DNAH10: variants seen among roughly 807,000 people sequenced by gnomAD.
DNAH10 encodes the protein dynein axonemal heavy chain 10.
Under a neutral mutation model 506.6 loss-of-function variants are expected in DNAH10, and 348 were observed. The ratio of observed to expected loss-of-function variants is 0.69; its 90% CI spans 0.63 to 0.75. The LOEUF (loss-of-function observed/expected upper bound fraction) is 0.75. DNAH10 is among the 30% of genes least tolerant of loss of function. The pLI, the probability that DNAH10 is intolerant of heterozygous loss-of-function variation, is 0.00. For missense variants in DNAH10, 5,179 were observed against 5,787.1 expected (o/e 0.89, Z 3.41); for synonymous variants, 2,059 against 2,198.6 (o/e 0.94, Z 1.78).
chr12:123,803,812 G>A lies in DNAH10; in HGVS notation c.2766G>A (p.Glu922=). 1 of 1,611,194 alleles carries A rather than the reference G, an allele frequency of 6.2e-7. No individual in the cohort carries two copies. The highest frequency in any genetic ancestry group is 8.5e-7 in the Non-Finnish European group (1 of 1,179,428). The change falls in exon 17 of 79, where the codon GAG becomes GAA. Residue 922 remains glutamate, a synonymous_variant. Transcript: ENST00000673944. Reference sequence around the variant, plus strand: ...TTAAATATCCAGCCGCTAAAAGTGAGGAAGAACTCCCAGGTAGATCTGACT... The same window carrying A: ...TTAAATATCCAGCCGCTAAAAGTGAAGAAGAACTCCCAGGTAGATCTGACT... ...NLFKYPAAKS[E]EELPGVKEFF...
At position 123,853,888 on chromosome 12, in the gene DNAH10, A is replaced by G. The variant is rs562535184; in HGVS notation, c.6438+536A>G. Among the ~76,000 whole-genome samples, 2 of 149,830 alleles carry G rather than the reference A, an allele frequency of 1.3e-5. No homozygotes were observed. Among genetic ancestry groups the G allele is most frequent in the South Asian group, 2.1e-4 (1 of 4,684 alleles). Reference sequence around the variant, plus strand: ...CACACACACGGATACATGCACGCGCACACACGTACGCACGCACATGTACAC... The same window carrying G: ...CACACACACGGATACATGCACGCGCGCACACGTACGCACGCACATGTACAC... On this transcript the variant is annotated intron_variant, in intron 36 of 78. Coordinates refer to ENST00000673944, the MANE Select transcript of DNAH10 (RefSeq NM_001372106.1). This position sits in a 1 kb window ranked among gnomAD's most constrained non-coding sequence, Gnocchi z 4.7.
At position 123,820,860 on chromosome 12, in the gene DNAH10, G is replaced by A. The variant is rs184197282; in HGVS notation, c.4179+102G>A. The stretch of plus-strand genomic sequence containing the variant: ...GATGCCACCATAATAATGAGCTTGG[G>A]TCTGACGTTGTGGAAACGCTCATTT... On this transcript the variant is annotated intron_variant, in intron 24 of 78. Coordinates refer to ENST00000673944, the MANE Select transcript of DNAH10 (RefSeq NM_001372106.1). The A allele has an allele frequency of 5.7e-5, 77 of 1,342,332 alleles. No homozygotes were observed. The East Asian group carries it at 1.6e-3, about 29-fold the overall frequency. 83.2% of individuals were successfully genotyped at this position (1,342,332 alleles called of 1,614,324 possible).
intron 39 of DNAH10, 53 bp downstream of exon 39, chr12:123,861,223 T>C: frequency 6.3e-7 from 1 of 1,589,114 alleles, no homozygotes; most frequent in Non-Finnish European, 8.6e-7. Context: ...GTTAATTAGC[T>C]CAACATTAAA....
chr12:123,859,465 C>T (rs1486618320), intron 38 of DNAH10, among the ~76,000 whole-genome samples, 197 bp downstream of exon 38: 1 of 152,196 alleles, frequency 6.6e-6, no homozygotes, highest in Non-Finnish European at 1.5e-5. Context: ...TGCAAAATAG[C>T]AACCCGCTTG....
At chr12:123,930,842 A>G (rs1329852551) in intron 73 of DNAH10, among the ~76,000 whole-genome samples, 1 of 152,126 alleles carries the variant, frequency 6.6e-6, no homozygotes, top group Non-Finnish European at 1.5e-5. Flanking sequence ...TTCGTAAAAG[A>G]TGAACATACG....
intron 50 of DNAH10, among the ~76,000 whole-genome samples, chr12:123,880,240 C>T (rs1952445447): frequency 6.6e-6 from 1 of 152,194 alleles, no homozygotes; most frequent in South Asian, 2.1e-4. Context: ...ATTTTAACTA[C>T]TATAGATGTT....
Position 123,916,577 on chromosome 12 carries a change from G to GA in DNAH10, c.10850dup (p.Asn3617LysfsTer21), listed in dbSNP as rs1450463311. ...CGATCCTGTGATTGACAACGTCTTA[G>GA]AAAAAAATATAAAAGTCTCCCAAGG... On this transcript the variant is annotated frameshift_variant, in exon 63 of 79. Coordinates refer to ENST00000673944, the MANE Select transcript of DNAH10 (RefSeq NM_001372106.1). LOFTEE classifies it high-confidence loss of function. The surrounding 1 kb of genome is among the most constrained non-coding windows in gnomAD (Gnocchi z 4.6). The GA allele has an allele frequency of 1.2e-6, 2 of 1,613,672 alleles. No individual in the cohort carries two copies. The highest frequency in any genetic ancestry group is 1.7e-6 in the Non-Finnish European group (2 of 1,179,844).
At chr12:123,858,637 G>A (rs557135015) in intron 37 of DNAH10, among the ~76,000 whole-genome samples, 7 of 152,212 alleles carry the variant, frequency 4.6e-5, no homozygotes, top group East Asian at 1.9e-4. Context: ...ATGAATGTCC[G>A]GAGCAGCATT....
intron 6 of DNAH10, among the ~76,000 whole-genome samples, chr12:123,781,743 G>C (rs1055167357): frequency 6.6e-6 from 1 of 152,148 alleles, no homozygotes; most frequent in South Asian, 2.1e-4. Context: ...TGGGGTTACA[G>C]GTGTGAGCCA....
rs551836392 is a variant in DNAH10 at position 123,903,948 on chromosome 12, C to T, written c.9815+835C>T. Among the ~76,000 whole-genome samples the T allele has an allele frequency of 9.8e-5, 15 of 152,324 alleles. No homozygotes were observed. The highest frequency in any genetic ancestry group is 1.3e-4 in the Non-Finnish European group (9 of 68,038). The stretch of plus-strand genomic sequence containing the variant: ...CACGGGTCTCGCAGCCGAGAGGCTC[C>T]GTTCCTGGGTCAGTAATGGGCTTCC... On this transcript the variant is annotated intron_variant, in intron 57 of 78. Transcript: ENST00000673944. This position sits in a 1 kb window ranked among gnomAD's most constrained non-coding sequence, Gnocchi z 4.6.
At chr12:123,930,666 C>T (rs1225877007) in intron 73 of DNAH10, 93 bp downstream of exon 73, 17 of 1,453,824 alleles carry the variant, frequency 1.2e-5, no homozygotes, top group Admixed American at 4.8e-5. Context: ...GGGGGCTCCT[C>T]GGCTGGTCAG....
intron 76 of DNAH10, 31 bp from the exon 77 acceptor site, chr12:123,933,300 G>C: frequency 2.1e-6 from 3 of 1,422,540 alleles, no homozygotes; most frequent in Non-Finnish European, 2.8e-6. Flanking sequence ...GCAGCCCCAG[G>C]CTCCCAGCAC....
intron 1 of DNAH10, among the ~76,000 whole-genome samples, chr12:123,765,232 A>AGGT (rs1384461377): frequency 6.6e-6 from 1 of 152,086 alleles, no homozygotes; most frequent in Admixed American, 6.5e-5. Context: ...CTGATGCAGT[A>AGGT]GGTACATGTG....
rs1300183805 is a variant in DNAH10 at position 123,897,830 on chromosome 12, T to C, written c.9341T>C (p.Val3114Ala). 2 of 1,612,110 alleles carry C rather than the reference T, an allele frequency of 1.2e-6. No individual in the cohort carries two copies. Among genetic ancestry groups the C allele is most frequent in the Non-Finnish European group, 1.7e-6 (2 of 1,179,454 alleles). ...AATGTGGTGAAGCATGTTGTCTTGG[T>C]TCACCAATCCGTGGACCACTACAGC... ...IENVVKHVVL[V>A]HQSVDHYSQQ... Residue 3114 changes from valine (V) to alanine (A), a missense_variant, in exon 55 of 79, where the codon GTT (valine) becomes GCT (alanine). Physicochemically the swap from Val to Ala is moderately conservative, Grantham distance 64. Coordinates refer to ENST00000673944, the MANE Select transcript of DNAH10 (RefSeq NM_001372106.1).
chr12:123,828,211 G>A (rs928658708), intron 25 of DNAH10, among the ~76,000 whole-genome samples: 13 of 151,690 alleles, frequency 8.6e-5, no homozygotes, highest in East Asian at 5.8e-4. Flanking sequence ...CAAAACAGTC[G>A]CCTGTCTCTG....
At chr12:123,896,421 A>T (rs746718698) in intron 54 of DNAH10, among the ~76,000 whole-genome samples, 1 of 152,090 alleles carries the variant, frequency 6.6e-6, no homozygotes, top group South Asian at 2.1e-4. Flanking sequence ...GCATTTAACA[A>T]CCTATCAGAT....
intron 24 of DNAH10, among the ~76,000 whole-genome samples, chr12:123,824,255 C>T (rs750434935): frequency 1.2e-4 from 18 of 152,100 alleles, no homozygotes; most frequent in East Asian, 3.9e-4. Context: ...CCTGAGGAGC[C>T]GGAAGAGTGG....
intron 40 of DNAH10, among the ~76,000 whole-genome samples, 163 bp downstream of exon 40, chr12:123,864,893 C>T (rs1951745031): frequency 6.6e-6 from 1 of 152,256 alleles, no homozygotes; most frequent in African/African-American, 2.4e-5. Context: ...TCTCATCCCT[C>T]TTTATCCCAG....
At chr12:123,795,398 G>C (rs1958241222) in intron 12 of DNAH10, among the ~76,000 whole-genome samples, 1 of 152,066 alleles carries the variant, frequency 6.6e-6, no homozygotes, top group Admixed American at 6.5e-5. Context: ...GGTTTAAATC[G>C]AGGTGTGAGC....
Sources: allele counts gnomAD v4.1 joint callset (sites outside exome capture counted in the v4.1 genomes callset), GRCh38; gene constraint gnomAD v4.1.1; non-coding constraint Gnocchi (gnomAD v3.1); transcripts MANE v1.5; gene names NCBI Gene and HGNC (gene_info 2026-07-23, HGNC 2026-07-21).